Variants in PRKCB observed in about 807,000 individuals in gnomAD.
The protein encoded by PRKCB is protein kinase C beta type.
Under a neutral mutation model 81.5 loss-of-function variants are expected in PRKCB, and 13 were observed. The observed-to-expected ratio is 0.16, with a 90% confidence interval of 0.10 to 0.25. PRKCB has a LOEUF of 0.25. Ranked by LOEUF, PRKCB falls within the 10% of genes least tolerant of loss-of-function variation. The pLI, the probability that PRKCB is intolerant of heterozygous loss-of-function variation, is 1.00. For missense variants in PRKCB, 509 were observed against 875.7 expected, an observed-to-expected ratio of 0.58 and a Z score of 5.29; for synonymous variants, 335 against 321.4, an observed-to-expected ratio of 1.04 and a Z score of -0.45.
chr16:23,879,062 C>T (rs1397408844), intron 2 of PRKCB, among the ~76,000 whole-genome samples: 1 of 152,060 alleles, frequency 6.6e-6, no homozygotes, highest in South Asian at 2.1e-4. Context: ...CCTGTAATCC[C>T]AGCTACTCAG....
intron 2 of PRKCB, among the ~76,000 whole-genome samples, chr16:23,908,650 C>T (rs893344576): frequency 3.3e-5 from 5 of 151,958 alleles, no homozygotes; most frequent in African/African-American, 4.8e-5. Context: ...TCCAGCCTCC[C>T]GAGTAGCTGG....
intron 2 of PRKCB, among the ~76,000 whole-genome samples, chr16:23,894,686 T>C (rs144238885): frequency 6.6e-6 from 1 of 152,172 alleles, no homozygotes; most frequent in East Asian, 1.9e-4. Context: ...GAAAAGAATA[T>C]TTTTTTAAGG....
At chr16:24,193,418 C>A (rs1967823891) in intron 16 of PRKCB, among the ~76,000 whole-genome samples, 1 of 150,832 alleles carries the variant, frequency 6.6e-6, no homozygotes, top group South Asian at 2.1e-4. Flanking sequence ...GCACTCCAGC[C>A]TGGGCGACAG....
intron 3 of PRKCB, among the ~76,000 whole-genome samples, chr16:24,028,832 C>T (rs189884654): frequency 7.2e-5 from 11 of 152,244 alleles, no homozygotes; most frequent in African/African-American, 2.6e-4. Context: ...TCTCTGTCAC[C>T]CAGGCTGGAG....
At chr16:23,884,203 A>C (rs569494434) in intron 2 of PRKCB, among the ~76,000 whole-genome samples, 6 of 152,314 alleles carry the variant, frequency 3.9e-5, no homozygotes, top group Non-Finnish European at 8.8e-5. Context: ...AGCTTATAGA[A>C]TTAGGACTTG....
chr16:24,008,459 G>A (rs573582140), intron 3 of PRKCB, among the ~76,000 whole-genome samples: 1 of 152,348 alleles, frequency 6.6e-6, no homozygotes, highest in African/African-American at 2.4e-5. Flanking sequence ...CAAGGGTGCT[G>A]GTTTTAGTCT....
At position 24,180,307 on chromosome 16, in the gene PRKCB, A is replaced by G. The variant is rs1040914068; in HGVS notation, c.1395-483A>G. Among the ~76,000 whole-genome samples the G allele has an allele frequency of 2.6e-5, 4 of 152,220 alleles. No homozygotes were observed. The East Asian group carries it at 7.7e-4, about 29-fold the overall frequency. The stretch of plus-strand genomic sequence containing the variant: ...GTCATGTCCTAGAAGGTGGCCCAAG[A>G]GATCAGGGAACACTTAGCATTAAAT... On this transcript the variant is annotated intron_variant, in intron 12 of 16. Coordinates refer to ENST00000643927, the MANE Select transcript of PRKCB (RefSeq NM_002738.7).
intron 8 of PRKCB, among the ~76,000 whole-genome samples, chr16:24,119,674 A>G (rs1966775673): frequency 6.6e-6 from 1 of 152,070 alleles, no homozygotes; most frequent in Admixed American, 6.6e-5. Flanking sequence ...GGGTGTGAGG[A>G]CATAGCCCGA....
intron 3 of PRKCB, 106 bp from the exon 4 acceptor site, chr16:24,032,030 G>A: frequency 1.4e-6 from 1 of 739,294 alleles, no homozygotes; most frequent in Non-Finnish European, 2.3e-6. Flanking sequence ...GACCTCTGGG[G>A]ACCAAGTTCA....
intron 5 of PRKCB, among the ~76,000 whole-genome samples, chr16:24,089,697 C>A (rs187687401): frequency 6.6e-6 from 1 of 151,990 alleles, no homozygotes; most frequent in African/African-American, 2.4e-5. Flanking sequence ...ATCACTTGAG[C>A]CCGGGAGGTC....
chr16:24,120,111 T>C (rs558390651), intron 8 of PRKCB, among the ~76,000 whole-genome samples: 34 of 152,308 alleles, frequency 2.2e-4, no homozygotes, highest in African/African-American at 8.2e-4. Flanking sequence ...GTACACACTC[T>C]ACAATGCTGT....
chr16:24,078,312 G>A (rs910333041), intron 5 of PRKCB, among the ~76,000 whole-genome samples: 1 of 152,198 alleles, frequency 6.6e-6, no homozygotes, highest in South Asian at 2.1e-4. Flanking sequence ...AGCAAGGGTG[G>A]GGCCCCATGG....
At chr16:23,983,003 A>G (rs1245177132) in intron 2 of PRKCB, among the ~76,000 whole-genome samples, 1 of 152,024 alleles carries the variant, frequency 6.6e-6, no homozygotes, top group African/African-American at 2.4e-5. Flanking sequence ...GCAAGGGGTT[A>G]TTGAATAAAT....
intron 3 of PRKCB, among the ~76,000 whole-genome samples, chr16:24,017,843 C>T (rs369786246): frequency 2.0e-5 from 3 of 151,728 alleles, no homozygotes; most frequent in African/African-American, 7.3e-5. Flanking sequence ...GATCCTCCCA[C>T]TTCATCCCCA....
At chr16:24,177,185 G>A (rs12448206) in intron 12 of PRKCB, among the ~76,000 whole-genome samples, 27,935 of 152,154 alleles carry the variant, frequency 0.18, 2,669 homozygotes, top group South Asian at 0.31. Context: ...TTAGTGTTCC[G>A]GTCAATTGAG....
At position 23,863,243 on chromosome 16, in the gene PRKCB, T is replaced by C. The variant is rs916000674; in HGVS notation, c.205+25837T>C. On this transcript the variant is annotated intron_variant, in intron 2 of 16. Coordinates refer to ENST00000643927, the MANE Select transcript of PRKCB (RefSeq NM_002738.7). ...ACATATATATGTGTATATATATACATATATATACACATACACACACACACA... is the reference window on the plus strand; with the variant it reads ...ACATATATATGTGTATATATATACACATATATACACATACACACACACACA... Among the ~76,000 whole-genome samples, 225 of 59,714 alleles carry C rather than the reference T, an allele frequency of 3.8e-3. 1 individual carries two copies. Among genetic ancestry groups the C allele is most frequent in the Middle Eastern group, 0.016 (2 of 122 alleles). 39.2% of individuals were successfully genotyped at this position (59,714 alleles called of 152,430 possible).
At chr16:23,985,055 G>A (rs117099466) in intron 2 of PRKCB, among the ~76,000 whole-genome samples, 2,619 of 152,148 alleles carry the variant, frequency 0.017, 44 homozygotes, top group Middle Eastern at 0.051. Flanking sequence ...AAATAAATAT[G>A]CTAACAATCT....
At chr16:23,966,869 G>GA (rs1964494155) in intron 2 of PRKCB, among the ~76,000 whole-genome samples, 1 of 152,162 alleles carries the variant, frequency 6.6e-6, no homozygotes, top group Non-Finnish European at 1.5e-5. Context: ...TGTTGTAGTG[G>GA]ACTAAGCTCT....
chr16:24,041,561 A>G (rs1567354067), intron 5 of PRKCB, among the ~76,000 whole-genome samples: 2 of 151,804 alleles, frequency 1.3e-5, no homozygotes, highest in African/African-American at 4.8e-5. Flanking sequence ...TGGAACTCCC[A>G]TTCTATATTC....
Sources: allele counts gnomAD v4.1 joint callset (sites outside exome capture counted in the v4.1 genomes callset), GRCh38; gene constraint gnomAD v4.1.1; transcripts MANE v1.5; gene names NCBI Gene and HGNC (gene_info 2026-07-23, HGNC 2026-07-21).